The following BORCS5 variants were observed in gnomAD, a reference collection of about 807,000 sequenced individuals.
BORCS5 encodes BLOC-1 related complex subunit 5.
Under a neutral mutation model 22.1 loss-of-function variants are expected in BORCS5, and 17 were observed. The observed-to-expected ratio is 0.77, with a 90% CI of 0.53 to 1.15. BORCS5 has a LOEUF of 1.15. BORCS5 is among the 50% of genes most tolerant of loss of function. The pLI is 0.00. For synonymous variants in BORCS5, 117 were observed against 99.8 expected, an observed-to-expected ratio of 1.17 and a Z score of -1.03; for missense variants, 247 against 253.2, an observed-to-expected ratio of 0.98 and a Z score of 0.17.
intron 2 of BORCS5, among the ~76,000 whole-genome samples, chr12:12,384,744 T>G (rs532384025): frequency 2.6e-5 from 4 of 151,398 alleles, no homozygotes; most frequent in Admixed American, 2.6e-4. Context: ...CTCTCAGATT[T>G]CTGTGGGTCA....
chr12:12,358,215 G>C (rs1863190920), intron 1 of BORCS5, among the ~76,000 whole-genome samples: 1 of 152,224 alleles, frequency 6.6e-6, no homozygotes, highest in Admixed American at 6.5e-5. Context: ...CACACGCTAG[G>C]ACAGCTGGGA....
In BORCS5 at chr12:12,361,318, A is replaced by G; in HGVS notation, c.171A>G (p.Gln57=). Reference sequence around the variant, plus strand: ...ACGATCCCGATGTCATCAAGTTGCAAGAGATTCCAACCTTCCAGCCCCTTT... The same window carrying G: ...ACGATCCCGATGTCATCAAGTTGCAGGAGATTCCAACCTTCCAGCCCCTTT... The part of the protein sequence containing the change: ...VSNDPDVIKL[Q]EIPTFQPLLK... Residue 57 remains glutamine (Q), a synonymous_variant, in exon 2 of 4, where the codon CAA becomes CAG. Coordinates refer to ENST00000314565, the MANE Select transcript of BORCS5 (RefSeq NM_058169.6). 7.4e-6 allele frequency: 12 copies of G among 1,613,380 alleles called. No individual in the cohort carries two copies. The highest frequency in any genetic ancestry group is 2.2e-5 in the East Asian group (1 of 44,874).
intron 2 of BORCS5, among the ~76,000 whole-genome samples, chr12:12,409,022 C>A (rs796808492): frequency 2.0e-5 from 3 of 152,086 alleles, no homozygotes; most frequent in Admixed American, 6.5e-5. Flanking sequence ...ACACCCCTTT[C>A]GCCAGCGGCT....
At position 12,451,890 on chromosome 12, in the gene BORCS5, C is replaced by G. The variant is rs187721342; in HGVS notation, c.361-13656C>G. On this transcript the variant is annotated intron_variant, in intron 3 of 3. Coordinates refer to ENST00000314565, the MANE Select transcript of BORCS5 (RefSeq NM_058169.6). ...CCGAGATCGCACCACTGCACTCCAG[C>G]CTGGCGACAGAGCGAGACTCTTTCT... Among the ~76,000 whole-genome samples, 467 of 149,466 alleles carry G rather than the reference C, an allele frequency of 3.1e-3. 4 individuals carry two copies. Among genetic ancestry groups the G allele is most frequent in the Middle Eastern group, 0.014 (4 of 288 alleles).
At chr12:12,446,234 G>A (rs1942786893) in intron 3 of BORCS5, among the ~76,000 whole-genome samples, 1 of 151,948 alleles carries the variant, frequency 6.6e-6, no homozygotes, top group Admixed American at 6.6e-5. Flanking sequence ...AAGATAGATG[G>A]CATGTAAGAT....
Position 12,470,746 on chromosome 12 carries a change from C to T in BORCS5, c.*4970C>T, listed in dbSNP as rs1943284552. 1.3e-5 allele frequency among the ~76,000 whole-genome samples: 2 copies of T among 150,510 alleles called. No individual in the cohort carries two copies. The highest frequency in any genetic ancestry group is 6.6e-5 in the Admixed American group (1 of 15,114). On this transcript the variant is annotated 3_prime_UTR_variant, in exon 4 of 4. Coordinates refer to ENST00000314565, the MANE Select transcript of BORCS5 (RefSeq NM_058169.6). ...CTATGGCTACAGAGGGAAAGGGTAG[C>T]CAGATAATTATCCACATGCTTCAAA... is the stretch of plus-strand genomic sequence containing the variant.
At chr12:12,360,333 A>G (rs1257785418) in intron 1 of BORCS5, among the ~76,000 whole-genome samples, 1 of 152,170 alleles carries the variant, frequency 6.6e-6, no homozygotes, top group Admixed American at 6.5e-5. Context: ...CTGTACTCCA[A>G]CCTGGCGACA....
At chr12:12,420,407 C>A (rs1942084124) in intron 2 of BORCS5, among the ~76,000 whole-genome samples, 1 of 152,062 alleles carries the variant, frequency 6.6e-6, no homozygotes, top group Non-Finnish European at 1.5e-5. Flanking sequence ...TGGTCTATAT[C>A]TCTGTTTTGG....
intron 3 of BORCS5, among the ~76,000 whole-genome samples, chr12:12,442,232 A>C (rs1022989320): frequency 2.7e-5 from 4 of 149,448 alleles, no homozygotes; most frequent in South Asian, 2.1e-4. Flanking sequence ...AAATGTGTTC[A>C]TAGATTAGAA....
At chr12:12,405,413 A>G (rs1356656475) in intron 2 of BORCS5, among the ~76,000 whole-genome samples, 1 of 152,224 alleles carries the variant, frequency 6.6e-6, no homozygotes, top group African/African-American at 2.4e-5. Flanking sequence ...GTGCAGTAAT[A>G]TTTCTGTCAC....
intron 2 of BORCS5, among the ~76,000 whole-genome samples, chr12:12,372,376 G>A (rs1014888425): frequency 1.3e-5 from 2 of 150,036 alleles, no homozygotes; most frequent in Admixed American, 6.6e-5. Context: ...ACAGGATCTC[G>A]CTCTGTTGCC....
intron 2 of BORCS5, among the ~76,000 whole-genome samples, chr12:12,434,216 G>A (rs1365988068): frequency 2.7e-5 from 4 of 148,532 alleles, no homozygotes; most frequent in East Asian, 2.0e-4. Context: ...CCAGGAGGTC[G>A]AGGTTGCAGT....
Position 12,441,680 on chromosome 12 carries a change from C to T in BORCS5, c.360+5895C>T, listed in dbSNP as rs531962594. The stretch of plus-strand genomic sequence containing the variant: ...CCATTTTAAGTTCTGCTCTTAACAA[C>T]CCAAGTATAAGCACTAAATAGAGGC... On this transcript the variant is annotated intron_variant, in intron 3 of 3. Transcript: ENST00000314565. Among the ~76,000 whole-genome samples the T allele has an allele frequency of 1.1e-3, 172 of 151,798 alleles. 1 individual carries two copies. The highest frequency in any genetic ancestry group is 4.1e-3 in the African/African-American group (170 of 41,310).
chr12:12,362,444 A>C (rs1386353274), intron 2 of BORCS5, among the ~76,000 whole-genome samples: 1 of 152,154 alleles, frequency 6.6e-6, no homozygotes, highest in East Asian at 1.9e-4. Flanking sequence ...TTTAAGTTTT[A>C]GTGTACATGT....
chr12:12,413,730 C>T (rs1245536676), intron 2 of BORCS5, among the ~76,000 whole-genome samples: 3 of 96,282 alleles, frequency 3.1e-5, no homozygotes, highest in South Asian at 2.7e-4. Context: ...ACCATCCTCC[C>T]GGACGGGGCG....
At chr12:12,361,847 C>T (rs898120872) in intron 2 of BORCS5, among the ~76,000 whole-genome samples, 2 of 152,132 alleles carry the variant, frequency 1.3e-5, no homozygotes, top group African/African-American at 2.4e-5. Flanking sequence ...TTAATCCTGG[C>T]GGCAGTTTTA....
rs201825513 is a variant in BORCS5, at chr12:12,407,715, T to G, written c.203-27913T>G. ...AATTTTACTATTCTTTTTGTTTTTT[T>G]TTTTTTTTGAGACAGGGCCTCACGC... On this transcript the variant is annotated intron_variant, in intron 2 of 3. Transcript: ENST00000314565. Among the ~76,000 whole-genome samples, 78 of 151,064 alleles carry G rather than the reference T, an allele frequency of 5.2e-4. No homozygotes were observed. The East Asian group carries it at 0.013, about 26-fold the overall frequency.
At chr12:12,391,279 T>C (rs574936294) in intron 2 of BORCS5, among the ~76,000 whole-genome samples, 2 of 152,174 alleles carry the variant, frequency 1.3e-5, no homozygotes, top group East Asian at 1.9e-4. Flanking sequence ...TTATTGAAGA[T>C]TTGTGGACTG....
intron 2 of BORCS5, among the ~76,000 whole-genome samples, chr12:12,381,241 T>C (rs1863769117): frequency 6.6e-6 from 1 of 151,202 alleles, no homozygotes; most frequent in Admixed American, 6.6e-5. Flanking sequence ...CTGGCTGATA[T>C]TTTTTGAAGT....
Sources: allele counts gnomAD v4.1 joint callset (sites outside exome capture counted in the v4.1 genomes callset), GRCh38; gene constraint gnomAD v4.1.1; transcripts MANE v1.5; gene names NCBI Gene and HGNC (gene_info 2026-07-23, HGNC 2026-07-21).